Variants in DROSHA observed in about 807,000 individuals in gnomAD.
DROSHA encodes drosha ribonuclease III.
DROSHA carries 56 observed loss-of-function variants against 181.9 expected under a neutral mutation model. The observed-to-expected ratio is 0.31, with a 90% CI of 0.25 to 0.38. DROSHA has a LOEUF of 0.38. Among genes scored for constraint, DROSHA ranks in the 10% least tolerant of loss-of-function variants. DROSHA has a pLI of 1.00. For missense variants in DROSHA, 1,218 were observed against 1,743.5 expected (o/e 0.70, Z 5.37); for synonymous variants, 524 against 591.2 (o/e 0.89, Z 1.65).
At chr5:31,527,933 AC>A (rs1331166382) in intron 4 of DROSHA, among the ~76,000 whole-genome samples, 2 of 151,900 alleles carry the variant, frequency 1.3e-5, no homozygotes, top group African/African-American at 2.4e-5. Context: ...TGTCTTGAAA[AC>A]CAAAGGTCAT....
rs538952544 is a variant in DROSHA at position 31,439,255 on chromosome 5, T to C, written c.2883-1957A>G. Among the ~76,000 whole-genome samples the C allele has an allele frequency of 2.0e-5, 3 of 152,360 alleles. No homozygotes were observed. In the South Asian group the frequency reaches 6.2e-4, roughly 32 times the overall value. ...AACAAGTCATAAGTTTTAAATTGCA[T>C]GCTGTTCTTCAACATATGGTAAAAT... is the stretch of plus-strand genomic sequence containing the variant. On this transcript the variant is annotated intron_variant, in intron 23 of 35. Coordinates refer to ENST00000344624, the MANE Select transcript of DROSHA (RefSeq NM_001382508.1).
chr5:31,464,108 T>G, intron 20 of DROSHA, 128 bp downstream of exon 20: 1 of 778,112 alleles, frequency 1.3e-6, no homozygotes, highest in Admixed American at 2.9e-5. Flanking sequence ...CAATTTATAG[T>G]TGATATTCCA....
intron 26 of DROSHA, 69 bp from the exon 27 acceptor site, chr5:31,429,614 T>A: frequency 2.2e-6 from 3 of 1,390,290 alleles, no homozygotes; most frequent in Admixed American, 2.2e-5. Context: ...CATATCTCTA[T>A]AATAAAGCAA....
In DROSHA at chr5:31,503,672, C is replaced by T. The variant is rs79977927; in HGVS notation, c.1668+883G>A. Among the ~76,000 whole-genome samples the T allele has an allele frequency of 7.2e-5, 11 of 152,278 alleles. No individual in the cohort carries two copies. In the East Asian group the frequency reaches 1.7e-3, roughly 24 times the overall value. On this transcript the variant is annotated intron_variant, in intron 11 of 35. Coordinates refer to ENST00000344624, the MANE Select transcript of DROSHA (RefSeq NM_001382508.1). ...ACCCACATCACAGGTGAATAGTTCC[C>T]ACCTCTGCTCTTTTCCTGTCACAGG...
At chr5:31,454,400 A>G (rs1034221577) in intron 20 of DROSHA, among the ~76,000 whole-genome samples, 1 of 152,242 alleles carries the variant, frequency 6.6e-6, no homozygotes, top group Non-Finnish European at 1.5e-5. Flanking sequence ...ACAAAAGCAG[A>G]GGGGGCAGAT....
intron 11 of DROSHA, among the ~76,000 whole-genome samples, chr5:31,497,975 TC>T (rs559435740): frequency 1.7e-3 from 266 of 152,352 alleles, no homozygotes; most frequent in African/African-American, 5.8e-3. Flanking sequence ...GAGACCATTC[TC>T]AAGTTTGGAG....
chr5:31,527,154 G>C (rs549846726), intron 4 of DROSHA, among the ~76,000 whole-genome samples: 2 of 151,906 alleles, frequency 1.3e-5, no homozygotes, highest in Non-Finnish European at 2.9e-5. Flanking sequence ...TCCCTGGACC[G>C]ACCATTCCTT....
chr5:31,436,254 T>G (rs924639861), intron 24 of DROSHA, among the ~76,000 whole-genome samples: 30 of 152,282 alleles, frequency 2.0e-4, no homozygotes, highest in Admixed American at 1.2e-3. Context: ...TTCTCCTGAT[T>G]ATGTCCATCT....
intron 5 of DROSHA, 82 bp downstream of exon 5, chr5:31,525,996 CT>C: frequency 7.4e-7 from 1 of 1,359,608 alleles, no homozygotes; most frequent in East Asian, 2.3e-5. Flanking sequence ...CTACTGGATC[CT>C]TTTGGTTTGG....
At chr5:31,476,895 TAATGTTAA>T in intron 16 of DROSHA, among the ~76,000 whole-genome samples, 2 of 152,354 alleles carry the variant, frequency 1.3e-5, no homozygotes, top group Admixed American at 6.5e-5. Context: ...ATGAATTCAC[TAATGTTAA>T]TGAATTGGCT....
At chr5:31,427,356 A>G (rs1481544839) in intron 27 of DROSHA, among the ~76,000 whole-genome samples, 3 of 152,222 alleles carry the variant, frequency 2.0e-5, no homozygotes, top group Non-Finnish European at 4.4e-5. Context: ...ACAAAGACCA[A>G]AATACAAAAC....
intron 16 of DROSHA, 119 bp from the exon 17 acceptor site, chr5:31,472,351 G>A (rs1329598220): frequency 7.4e-6 from 9 of 1,215,180 alleles, no homozygotes; most frequent in Non-Finnish European, 9.9e-6. Flanking sequence ...CATACAAAAA[G>A]GTAATGTAAA....
At chr5:31,500,424 C>G (rs1753461434) in intron 11 of DROSHA, among the ~76,000 whole-genome samples, 1 of 152,198 alleles carries the variant, frequency 6.6e-6, no homozygotes, top group African/African-American at 2.4e-5. Flanking sequence ...ATGTTGAGAA[C>G]TCCCTACCAG....
chr5:31,507,345 A>G (rs1003938427), intron 10 of DROSHA, among the ~76,000 whole-genome samples: 2 of 151,870 alleles, frequency 1.3e-5, no homozygotes, highest in African/African-American at 4.8e-5. Context: ...CTATACTCCC[A>G]GCTACTCAGG....
intron 18 of DROSHA, 167 bp downstream of exon 18, chr5:31,467,772 T>C: frequency 1.1e-6 from 1 of 880,566 alleles, no homozygotes; most frequent in Non-Finnish European, 1.6e-6. Context: ...AAATAATTCT[T>C]CAGGAGCTAC....
At chr5:31,528,612 C>G (rs1176562736) in intron 4 of DROSHA, among the ~76,000 whole-genome samples, 1 of 152,082 alleles carries the variant, frequency 6.6e-6, no homozygotes, top group Non-Finnish European at 1.5e-5. Context: ...AATTCATCTA[C>G]TTCACATCAT....
chr5:31,511,236 TGTAA>T, intron 8 of DROSHA, 60 bp from the exon 9 acceptor site: 2 of 1,488,786 alleles, frequency 1.3e-6, no homozygotes, highest in Non-Finnish European at 1.8e-6. Context: ...ATCAAAGATA[TGTAA>T]GATCTCACAG....
intron 23 of DROSHA, among the ~76,000 whole-genome samples, chr5:31,445,118 T>G (rs953845829): frequency 1.3e-5 from 2 of 152,178 alleles, no homozygotes; most frequent in Non-Finnish European, 2.9e-5. Context: ...ATGATAAGCA[T>G]AGCTATTCCA....
At chr5:31,412,791 G>A (rs774383518) in intron 30 of DROSHA, among the ~76,000 whole-genome samples, 7 of 152,070 alleles carry the variant, frequency 4.6e-5, no homozygotes, top group Admixed American at 1.3e-4. Flanking sequence ...AACCAATAAA[G>A]AGCCCACTAG....
Sources: gnomAD v4.1 joint callset for allele counts (sites outside exome capture counted in the v4.1 genomes callset) on GRCh38, gnomAD v4.1.1 for gene constraint, MANE v1.5 for transcripts, NCBI Gene and HGNC (gene_info 2026-07-23, HGNC 2026-07-21) for gene names.